The following REV3L variants were observed in gnomAD, a reference collection of about 807,000 sequenced individuals.
REV3L encodes the protein DNA polymerase zeta catalytic subunit.
Under a neutral mutation model 299.4 loss-of-function variants are expected in REV3L, and 69 were observed. The ratio of observed to expected loss-of-function variants is 0.23; its 90% CI spans 0.19 to 0.28. The LOEUF is 0.28. Ranked by LOEUF, REV3L falls within the 10% of genes least tolerant of loss-of-function variation. REV3L has a pLI of 1.00. For missense variants in REV3L, 3,128 were observed against 3,693.8 expected, an observed-to-expected ratio of 0.85 and a Z score of 3.97; for synonymous variants, 1,238 against 1,271.4, an observed-to-expected ratio of 0.97 and a Z score of 0.56.
intron 1 of REV3L, among the ~76,000 whole-genome samples, chr6:111,446,701 A>AAAAC (rs35603807): frequency 0.25 from 37,209 of 149,660 alleles, 5,137 homozygotes; most frequent in South Asian, 0.36. Flanking sequence ...ACTCTGTCTC[A>AAAAC]AAACAAACAA....
chr6:111,427,529 C>G (rs767961066), intron 1 of REV3L, among the ~76,000 whole-genome samples: 6 of 152,116 alleles, frequency 3.9e-5, no homozygotes, highest in Non-Finnish European at 8.8e-5. Flanking sequence ...ATCCCGAACT[C>G]AAATATGAGG....
chr6:111,370,111 G>A (rs1431627835), intron 13 of REV3L, among the ~76,000 whole-genome samples: 8 of 152,240 alleles, frequency 5.3e-5, no homozygotes, highest in African/African-American at 1.7e-4. Flanking sequence ...GATTACAGGC[G>A]TGAGCCACCG....
Position 111,374,955 on chromosome 6 carries a change from G to C in REV3L, c.3400C>G (p.Pro1134Ala). The C allele has an allele frequency of 6.2e-7, 1 of 1,612,720 alleles. No homozygotes were observed. Among genetic ancestry groups the C allele is most frequent in the Non-Finnish European group, 8.5e-7 (1 of 1,179,594 alleles). Residue 1134 changes from proline to alanine, a missense_variant, in exon 13 of 32, where the codon CCA becomes GCA. Around this residue, in one of 9 missense-constraint regions of REV3L, gnomAD observed 2,409 missense variants for 2,611.8 expected, o/e 0.92. Coordinates refer to ENST00000368802, the MANE Select transcript of REV3L (RefSeq NM_001372078.1). ...GCAGCCATGATTTCTTCAGCTCTTG[G>C]ATCTGTGGGAGACCAGCAGCGAGGT... ...SPPRCWSPTD[P>A]RAEEIMAAAE...
chr6:111,437,942 C>A (rs1408473232), intron 1 of REV3L, among the ~76,000 whole-genome samples: 2 of 152,078 alleles, frequency 1.3e-5, no homozygotes, highest in East Asian at 3.8e-4. Context: ...CAGGTCTGAC[C>A]ACCTGGCTCT....
At chr6:111,464,817 C>A (rs1037573675) in intron 1 of REV3L, among the ~76,000 whole-genome samples, 2 of 152,048 alleles carry the variant, frequency 1.3e-5, no homozygotes, top group Non-Finnish European at 2.9e-5. Flanking sequence ...GCCTGGGCAA[C>A]ATGGTGAAAC....
chr6:111,318,149 G>A (rs1472922524), intron 26 of REV3L, among the ~76,000 whole-genome samples: 3 of 151,456 alleles, frequency 2.0e-5, no homozygotes, highest in Non-Finnish European at 2.9e-5. Flanking sequence ...GTGCAGTGGC[G>A]CGATCTCGGC....
chr6:111,382,695 A>G (rs1780949776), intron 9 of REV3L, among the ~76,000 whole-genome samples: 1 of 152,178 alleles, frequency 6.6e-6, no homozygotes, highest in Non-Finnish European at 1.5e-5. Flanking sequence ...GGCAAGTCCC[A>G]GTGCTGTGCT....
intron 1 of REV3L, chr6:111,430,829 A>G: frequency 5.0e-6 from 8 of 1,608,738 alleles, no homozygotes; most frequent in Non-Finnish European, 6.8e-6. Flanking sequence ...GCTTGTGAAC[A>G]GTCAGTGCAA....
intron 4 of REV3L, among the ~76,000 whole-genome samples, chr6:111,398,434 A>G (rs1215827938): frequency 7.3e-6 from 1 of 137,494 alleles, no homozygotes; most frequent in African/African-American, 2.8e-5. Context: ...AAGAAAAAAG[A>G]AAAAAAAAAT....
At chr6:111,384,046 T>C (rs747170055) in intron 9 of REV3L, among the ~76,000 whole-genome samples, 14 of 152,176 alleles carry the variant, frequency 9.2e-5, no homozygotes, top group Non-Finnish European at 1.8e-4. Flanking sequence ...ATTGGATATC[T>C]ACATGCAGAA....
intron 16 of REV3L, among the ~76,000 whole-genome samples, chr6:111,362,390 T>G (rs555268316): frequency 2.5e-4 from 38 of 152,294 alleles, no homozygotes; most frequent in African/African-American, 9.1e-4. Flanking sequence ...AGAATTGACT[T>G]GAGAAAAAAA....
chr6:111,452,104 A>AAAG (rs1323940487), intron 1 of REV3L, among the ~76,000 whole-genome samples: 3 of 152,216 alleles, frequency 2.0e-5, no homozygotes, highest in Non-Finnish European at 4.4e-5. Flanking sequence ...GCACACTAAA[A>AAAG]GATGTTCAGA....
chr6:111,359,001 G>T lies in REV3L; in HGVS notation c.6893C>A (p.Thr2298Asn). ...AKALHEIQNL[T>N]LISVELHART... ...AGCATGCAACTCCACACTGATTAGGGTAAGATTTTGTATCTATAAAAGCAA... is the reference window on the plus strand; with the variant it reads ...AGCATGCAACTCCACACTGATTAGGTTAAGATTTTGTATCTATAAAAGCAA... Residue 2298 changes from threonine to asparagine, a missense_variant, in exon 17 of 32, where the codon ACC becomes AAC. Around this residue, in one of 9 missense-constraint regions of REV3L, gnomAD observed 2,409 missense variants for 2,611.8 expected, o/e 0.92. Transcript: ENST00000368802. 1 of 1,608,992 alleles carries T rather than the reference G, an allele frequency of 6.2e-7. No individual in the cohort carries two copies. The highest frequency in any genetic ancestry group is 8.5e-7 in the Non-Finnish European group (1 of 1,177,802).
chr6:111,329,709 T>C lies in REV3L; in HGVS notation c.8064A>G (p.Arg2688=). The stretch of plus-strand genomic sequence containing the variant: ...TAGTCTTCAAAATTTCTTCAAGCAT[T>C]CTTGGTAGTACACCTTTTCTTACTG... ...KPSVRKGVLP[R]MLEEILKTRF... Residue 2688 remains arginine, a synonymous_variant, in exon 25 of 32, where the codon AGA becomes AGG. Coordinates refer to ENST00000368802, the MANE Select transcript of REV3L (RefSeq NM_001372078.1). The C allele has an allele frequency of 6.2e-7, 1 of 1,613,554 alleles. No individual in the cohort carries two copies. Among genetic ancestry groups the C allele is most frequent in the Non-Finnish European group, 8.5e-7 (1 of 1,179,992 alleles).
intron 1 of REV3L, among the ~76,000 whole-genome samples, chr6:111,464,598 TG>T (rs1791197994): frequency 6.6e-6 from 1 of 151,990 alleles, no homozygotes; most frequent in Admixed American, 6.6e-5. Context: ...AAGATATAAA[TG>T]GAACTCTTAA....
At chr6:111,410,072 G>A (rs560033635) in intron 3 of REV3L, among the ~76,000 whole-genome samples, 18 of 152,272 alleles carry the variant, frequency 1.2e-4, no homozygotes, top group Non-Finnish European at 2.5e-4. Flanking sequence ...TGGTATGGTG[G>A]CTCAGGCCTG....
At chr6:111,391,107 C>G (rs1360637766) in intron 5 of REV3L, among the ~76,000 whole-genome samples, 1 of 151,434 alleles carries the variant, frequency 6.6e-6, no homozygotes, top group East Asian at 1.9e-4. Context: ...GCTCCATCGC[C>G]CAGGCTGGAG....
rs771264233 is a variant in REV3L, at chr6:111,376,325, T to C, written c.2030A>G (p.Lys677Arg). 3 of 1,613,334 alleles carry C rather than the reference T, an allele frequency of 1.9e-6. No individual in the cohort carries two copies. Among genetic ancestry groups the C allele is most frequent in the East Asian group, 2.2e-5 (1 of 44,846 alleles). Reference protein sequence around the residue: ...PSVTRQVPSRKYTNIRKIEKD... With the variant: ...PSVTRQVPSRRYTNIRKIEKD... The stretch of plus-strand genomic sequence containing the variant: ...TTCGATTTTTCTAATGTTTGTATAT[T>C]TTCTACTTGGTACTTGTCTTGTAAC... Residue 677 changes from lysine (K) to arginine (R), a missense_variant, in exon 13 of 32, where the codon AAA (lysine) becomes AGA (arginine). By Grantham distance (26) the Lys-to-Arg change is conservative. Coordinates refer to ENST00000368802, the MANE Select transcript of REV3L (RefSeq NM_001372078.1).
At chr6:111,482,263 G>T (rs1793805504) in intron 1 of REV3L, among the ~76,000 whole-genome samples, 1 of 152,230 alleles carries the variant, frequency 6.6e-6, no homozygotes, top group South Asian at 2.1e-4. Flanking sequence ...GCGAGGGTGA[G>T]AAGAGACCAT....
Sources: gnomAD v4.1 joint callset for allele counts (sites outside exome capture counted in the v4.1 genomes callset) on GRCh38, gnomAD v4.1.1 for gene constraint, gnomAD v4.1.1 regional missense constraint, MANE v1.5 for transcripts, NCBI Gene and HGNC (gene_info 2026-07-23, HGNC 2026-07-21) for gene names.